TRPM3: variants seen among roughly 807,000 people sequenced by gnomAD.
TRPM3 encodes the protein long transient receptor potential channel 3.
TRPM3 carries 77 observed loss-of-function variants against 181.2 expected under a neutral mutation model. That is an observed-to-expected ratio of 0.42 (90% CI 0.35 to 0.51). The LOEUF (loss-of-function observed/expected upper bound fraction) is 0.51. TRPM3 is among the 20% of genes least tolerant of loss of function. TRPM3 has a pLI of 0.01. For missense variants in TRPM3, 1,759 were observed against 2,196.7 expected (o/e 0.80, Z 3.98); for synonymous variants, 745 against 796.4 (o/e 0.94, Z 1.09).
intron 1 of TRPM3, among the ~76,000 whole-genome samples, chr9:71,201,461 CAG>C (rs1183103568): frequency 1.3e-5 from 2 of 152,224 alleles, no homozygotes; most frequent in Admixed American, 6.5e-5. Context: ...TAATATCCTG[CAG>C]AGTGTTTTCC....
At chr9:71,394,568 G>A (rs935743413) in intron 1 of TRPM3, among the ~76,000 whole-genome samples, 3 of 152,146 alleles carry the variant, frequency 2.0e-5, no homozygotes, top group Non-Finnish European at 4.4e-5. Context: ...AGCCAAAAAT[G>A]ACCCATTCCC....
At position 70,755,098 on chromosome 9, in the gene TRPM3, C is replaced by T. The variant is rs114814356; in HGVS notation, c.1272+6503G>A. ...TAAAAATTTCTAACTTATTTTTGCC[C>T]GGATGTGGAGATAAATTGTTGCTTC... On this transcript the variant is annotated intron_variant, in intron 8 of 25. Transcript: ENST00000677713. 9.2e-3 allele frequency among the ~76,000 whole-genome samples: 1,402 copies of T among 152,122 alleles called. 25 individuals are homozygous for T. Among genetic ancestry groups the T allele is most frequent in the African/African-American group, 0.032 (1,316 of 41,500 alleles).
intron 1 of TRPM3, among the ~76,000 whole-genome samples, chr9:71,358,078 C>A (rs2091982179): frequency 6.6e-6 from 1 of 152,068 alleles, no homozygotes; most frequent in Non-Finnish European, 1.5e-5. Context: ...ACAATAATTT[C>A]TCAAAAGAAC....
chr9:71,386,040 T>C (rs1245963312), intron 1 of TRPM3, among the ~76,000 whole-genome samples: 3 of 151,932 alleles, frequency 2.0e-5, no homozygotes, highest in Non-Finnish European at 4.4e-5. Context: ...AGTCAACAAG[T>C]AGTAGTAGCT....
At chr9:70,783,814 A>C in intron 7 of TRPM3, 3 of 1,038,246 alleles carry the variant, frequency 2.9e-6, no homozygotes, top group Non-Finnish European at 3.5e-6. Flanking sequence ...GAGGAGGAGA[A>C]GGAGATACGA....
At chr9:71,201,295 C>T (rs2078774217) in intron 1 of TRPM3, among the ~76,000 whole-genome samples, 2 of 152,256 alleles carry the variant, frequency 1.3e-5, no homozygotes, top group South Asian at 4.1e-4. Flanking sequence ...TTCTCTCTGG[C>T]TGCCCTTAAC....
chr9:71,422,163 G>T (rs941369493), intron 1 of TRPM3, among the ~76,000 whole-genome samples: 1 of 151,836 alleles, frequency 6.6e-6, no homozygotes, highest in East Asian at 1.9e-4. Context: ...AAGGGTAGAA[G>T]GAAAATTATT....
At chr9:71,042,630 A>G (rs2058962490) in intron 1 of TRPM3, among the ~76,000 whole-genome samples, 1 of 152,160 alleles carries the variant, frequency 6.6e-6, no homozygotes, top group African/African-American at 2.4e-5. Context: ...TAATATTTAC[A>G]TGTAAAAGAA....
chr9:70,604,647 T>G (rs1029519754), intron 19 of TRPM3, among the ~76,000 whole-genome samples: 1 of 152,174 alleles, frequency 6.6e-6, no homozygotes, highest in East Asian at 1.9e-4. Context: ...TCTCTACTAA[T>G]TCTCTTATGT....
At chr9:71,106,283 G>T (rs779221972) in intron 1 of TRPM3, among the ~76,000 whole-genome samples, 79 of 152,166 alleles carry the variant, frequency 5.2e-4, no homozygotes, top group Non-Finnish European at 1.0e-3. Flanking sequence ...CAAATCTCAT[G>T]TTGAAATATA....
intron 22 of TRPM3, among the ~76,000 whole-genome samples, chr9:70,553,745 G>T (rs2047000165): frequency 6.6e-6 from 1 of 152,244 alleles, no homozygotes; most frequent in Admixed American, 6.5e-5. Flanking sequence ...AAGAGCAGCA[G>T]CATCTCGGGA....
At chr9:71,053,738 T>C (rs1435917870) in intron 1 of TRPM3, among the ~76,000 whole-genome samples, 1 of 152,128 alleles carries the variant, frequency 6.6e-6, no homozygotes, top group African/African-American at 2.4e-5. Context: ...CTCACACTCC[T>C]TTGCCAGCAC....
intron 1 of TRPM3, among the ~76,000 whole-genome samples, chr9:71,028,556 C>A (rs1190232323): frequency 1.3e-5 from 2 of 151,334 alleles, no homozygotes; most frequent in African/African-American, 2.4e-5. Flanking sequence ...GATATGCTAT[C>A]TTCAAGAGAC....
chr9:70,554,168 G>A (rs2047116794), intron 22 of TRPM3, among the ~76,000 whole-genome samples: 1 of 152,124 alleles, frequency 6.6e-6, no homozygotes, highest in Non-Finnish European at 1.5e-5. Context: ...GAATTTCCGG[G>A]TAAATGCAAG....
intron 1 of TRPM3, among the ~76,000 whole-genome samples, chr9:71,359,848 GTAAC>G (rs1378807219): frequency 3.9e-5 from 6 of 152,176 alleles, no homozygotes; most frequent in Middle Eastern, 3.4e-3. Context: ...AATAATGAGA[GTAAC>G]TATCCATAAA....
chr9:71,166,253 A>G (rs1205863954), intron 1 of TRPM3, among the ~76,000 whole-genome samples: 3 of 152,068 alleles, frequency 2.0e-5, no homozygotes, highest in Admixed American at 6.6e-5. Flanking sequence ...GAACAAAGCT[A>G]TCACCCTCTT....
At chr9:70,655,076 GT>G (rs1226631588) in intron 9 of TRPM3, among the ~76,000 whole-genome samples, 1 of 150,814 alleles carries the variant, frequency 6.6e-6, no homozygotes, top group Non-Finnish European at 1.5e-5. Flanking sequence ...GGGAGCCCAG[GT>G]TGGGCAGATC....
chr9:70,683,411 C>G (rs540878591), intron 8 of TRPM3, among the ~76,000 whole-genome samples: 1 of 134,354 alleles, frequency 7.4e-6, no homozygotes, highest in African/African-American at 2.7e-5. Flanking sequence ...TTCCTTTTCT[C>G]TCTTTCTCTC....
Position 71,282,810 on chromosome 9 carries a change from T to C in TRPM3, c.183+163843A>G, listed in dbSNP as rs192133877. Among the ~76,000 whole-genome samples, 3 of 152,302 alleles carry C rather than the reference T, an allele frequency of 2.0e-5. No individual in the cohort carries two copies. In the East Asian group the frequency reaches 5.8e-4, roughly 30 times the overall value. ...AGACTCTACAAGTGGCTGATGTGACTAGATATCTTTAAGTCAATAAGACCT... is the reference window on the plus strand; with the variant it reads ...AGACTCTACAAGTGGCTGATGTGACCAGATATCTTTAAGTCAATAAGACCT... On this transcript the variant is annotated intron_variant, in intron 1 of 24. Transcript: ENST00000357533.
Sources: allele counts gnomAD v4.1 joint callset (sites outside exome capture counted in the v4.1 genomes callset), GRCh38; gene constraint gnomAD v4.1.1; transcripts MANE v1.5; gene names NCBI Gene and HGNC (gene_info 2026-07-23, HGNC 2026-07-21).